The following SEL1L variants were observed in gnomAD, a reference collection of about 807,000 sequenced individuals.
SEL1L encodes the protein SEL1L adaptor subunit of SYVN1 ubiquitin ligase.
In SEL1L, 52 loss-of-function variants were observed where a neutral mutation model predicts 109.8. That is an observed-to-expected ratio of 0.47 (90% CI 0.38 to 0.60). The LOEUF is 0.60. Among genes scored for constraint, SEL1L ranks in the 20% least tolerant of loss-of-function variants. SEL1L has a pLI of 0.00. For missense variants in SEL1L, 749 were observed against 962.2 expected (o/e 0.78, Z 2.93); for synonymous variants, 373 against 339.6 (o/e 1.10, Z -1.08).
At chr14:81,477,235 A>T in intron 20 of SEL1L, 54 bp from the exon 21 acceptor site, 1 of 1,440,346 alleles carries the variant, frequency 6.9e-7, no homozygotes, top group Non-Finnish European at 9.7e-7. Flanking sequence ...CAGGCAAGGA[A>T]CTGGGAAAGT....
chr14:81,497,364 CTG>C (rs1883806627), intron 10 of SEL1L, among the ~76,000 whole-genome samples: 1 of 152,198 alleles, frequency 6.6e-6, no homozygotes, highest in African/African-American at 2.4e-5. Flanking sequence ...GCCACGAAAC[CTG>C]TGTGTGCACA....
intron 3 of SEL1L, among the ~76,000 whole-genome samples, chr14:81,517,800 G>A (rs1222178109): frequency 6.6e-6 from 1 of 152,122 alleles, no homozygotes. Context: ...ATGTTTAGTG[G>A]GACACAACTT....
chr14:81,495,728 G>A (rs886463279), intron 10 of SEL1L, among the ~76,000 whole-genome samples: 1 of 151,982 alleles, frequency 6.6e-6, no homozygotes, highest in Non-Finnish European at 1.5e-5. Flanking sequence ...TCTAAGGTCA[G>A]GAGTTCAAGA....
At chr14:81,499,051 T>C in intron 8 of SEL1L, 1 of 843,822 alleles carries the variant, frequency 1.2e-6, no homozygotes, top group African/African-American at 1.8e-5. Flanking sequence ...TAGGGCATTG[T>C]TGCAAAATAT....
chr14:81,479,813 C>T (rs374957917), intron 19 of SEL1L, 73 bp from the exon 20 acceptor site: 6 of 1,310,504 alleles, frequency 4.6e-6, no homozygotes, highest in East Asian at 2.7e-5. Flanking sequence ...ACATATTAGA[C>T]GAATTTATTT....
intron 3 of SEL1L, among the ~76,000 whole-genome samples, chr14:81,510,306 G>A (rs532361732): frequency 2.0e-4 from 30 of 152,250 alleles, no homozygotes; most frequent in Admixed American, 3.3e-4. Context: ...TATAGAGAAC[G>A]ATTTCAAAGA....
At chr14:81,486,094 T>C (rs1034360539) in intron 17 of SEL1L, among the ~76,000 whole-genome samples, 195 bp downstream of exon 17, 2 of 152,238 alleles carry the variant, frequency 1.3e-5, no homozygotes, top group Non-Finnish European at 2.9e-5. Flanking sequence ...GTCAAATCCA[T>C]TTCTACAGTC....
At position 81,489,254 on chromosome 14, in the gene SEL1L, C is replaced by T. The variant is rs1418457122; in HGVS notation, c.1393G>A (p.Val465Ile). The change falls in exon 14 of 21, where the codon GTT becomes ATT. Residue 465 changes from valine (V) to isoleucine (I), a missense_variant and splice_region_variant. Coordinates refer to ENST00000336735, the MANE Select transcript of SEL1L (RefSeq NM_005065.6). ...AGAATGTCAGACTGAACACTTACAACTTGAACTCCTCTCCCATAGAGGTAG... is the reference window on the plus strand; with the variant it reads ...AGAATGTCAGACTGAACACTTACAATTTGAACTCCTCTCCCATAGAGGTAG... ...MAYLYGRGVQ[V>I]NYDLALKYFQ... is the part of the protein sequence containing the mutation. The T allele has an allele frequency of 1.9e-6, 3 of 1,613,882 alleles. No individual in the cohort carries two copies. The highest frequency in any genetic ancestry group is 1.7e-6 in the Non-Finnish European group (2 of 1,179,754).
chr14:81,486,970 CTTT>C (rs139733784), intron 16 of SEL1L, among the ~76,000 whole-genome samples: 1 of 136,528 alleles, frequency 7.3e-6, no homozygotes, highest in Non-Finnish European at 1.6e-5. Context: ...TTCTTTCTTT[CTTT>C]TTTTTTTTTT....
intron 13 of SEL1L, 123 bp from the exon 14 acceptor site, chr14:81,489,437 T>C: frequency 1.3e-6 from 1 of 776,006 alleles, no homozygotes; most frequent in Admixed American, 2.8e-5. Context: ...TACTTTTCAA[T>C]TCAAAACAAA....
intron 3 of SEL1L, among the ~76,000 whole-genome samples, chr14:81,510,738 T>C (rs1288448081): frequency 1.3e-5 from 2 of 152,164 alleles, no homozygotes; most frequent in Non-Finnish European, 2.9e-5. Flanking sequence ...TGAAACAATC[T>C]GGTACTTCCA....
intron 1 of SEL1L, among the ~76,000 whole-genome samples, chr14:81,531,028 C>G (rs1255304221): frequency 6.6e-6 from 1 of 152,178 alleles, no homozygotes; most frequent in Non-Finnish European, 1.5e-5. Flanking sequence ...ATAAATGGAA[C>G]TTGCAGGATT....
chr14:81,480,727 A>T (rs534552635), intron 19 of SEL1L, among the ~76,000 whole-genome samples: 1 of 152,150 alleles, frequency 6.6e-6, no homozygotes, highest in Non-Finnish European at 1.5e-5. Flanking sequence ...CCAAAAAAAG[A>T]AACAGATTTT....
At chr14:81,503,842 A>G (rs1483187653) in intron 5 of SEL1L, among the ~76,000 whole-genome samples, 8 of 152,212 alleles carry the variant, frequency 5.3e-5, no homozygotes, top group Non-Finnish European at 2.9e-5. Context: ...CCTAAATTCC[A>G]GTCAAAAATT....
In SEL1L at chr14:81,501,793, T is replaced by C. The variant is rs2140016949; in HGVS notation, c.777+928A>G. Among the ~76,000 whole-genome samples, 3 of 152,246 alleles carry C rather than the reference T, an allele frequency of 2.0e-5. No individual in the cohort carries two copies. In the South Asian group the frequency reaches 6.2e-4, roughly 32 times the overall value. The stretch of plus-strand genomic sequence containing the variant: ...TATGTTAGCAACTGATGTGATACAA[T>C]GTAGAATACAGAACATCCCTTGTAA... On this transcript the variant is annotated intron_variant, in intron 6 of 20. Transcript: ENST00000336735.
chr14:81,498,404 C>A lies in SEL1L; in HGVS notation c.973+9G>T, dbSNP rs1430448953. ...TTTTCCTAAAAGGTAAAAGGGGAAA[C>A]ATAGATACCATGATTGGCAACAAGA... On this transcript the variant is annotated intron_variant, in intron 9 of 20. Transcript: ENST00000336735. The A allele has an allele frequency of 1.2e-6, 2 of 1,605,458 alleles. No individual in the cohort carries two copies. Among genetic ancestry groups the A allele is most frequent in the African/African-American group, 1.3e-5 (1 of 74,566 alleles).
chr14:81,514,533 G>T (rs1247384805), intron 3 of SEL1L, among the ~76,000 whole-genome samples: 1 of 152,208 alleles, frequency 6.6e-6, no homozygotes, highest in Non-Finnish European at 1.5e-5. Flanking sequence ...CAAGAGTGCA[G>T]GATTTTGAGA....
chr14:81,533,754 G>C lies in SEL1L; in HGVS notation c.-10C>G, dbSNP rs936040849. The C allele has an allele frequency of 6.2e-7, 1 of 1,612,310 alleles. No individual in the cohort carries two copies. Among genetic ancestry groups the C allele is most frequent in the African/African-American group, 1.3e-5 (1 of 74,912 alleles). Reference sequence around the variant, plus strand: ...CTATCCGGACCCGCATCCTCCTCTCGGGGCCGGTGCCAACCCCTAGAGCTG... The same window carrying C: ...CTATCCGGACCCGCATCCTCCTCTCCGGGCCGGTGCCAACCCCTAGAGCTG... On this transcript the variant is annotated 5_prime_UTR_variant, in exon 1 of 21. Transcript: ENST00000336735.
chr14:81,505,182 GATTA>G (rs1386055490), intron 4 of SEL1L, among the ~76,000 whole-genome samples: 1 of 152,094 alleles, frequency 6.6e-6, no homozygotes, highest in Non-Finnish European at 1.5e-5. Flanking sequence ...GAAAATATTT[GATTA>G]ACTATATAAT....
Sources: gnomAD v4.1 joint callset for allele counts (sites outside exome capture counted in the v4.1 genomes callset) on GRCh38, gnomAD v4.1.1 for gene constraint, MANE v1.5 for transcripts, NCBI Gene and HGNC (gene_info 2026-07-23, HGNC 2026-07-21) for gene names.